COMMD10: variants seen among roughly 807,000 people sequenced by gnomAD.
COMMD10 encodes the protein COMM domain-containing protein 10.
A neutral mutation model predicts 28.9 loss-of-function variants in COMMD10; 33 were observed. That is an observed-to-expected ratio of 1.14 (90% confidence interval 0.87 to 1.53). The LOEUF (loss-of-function observed/expected upper bound fraction) is 1.53, where lower values mean the gene tolerates loss of function less well. Among genes scored for constraint, COMMD10 ranks in the 40% most tolerant of loss-of-function variants. The pLI is 0.00. For synonymous variants in COMMD10, 110 were observed against 81.7 expected (o/e 1.35, Z -1.87); for missense variants, 310 against 233.4 (o/e 1.33, Z -2.14).
intron 5 of COMMD10, among the ~76,000 whole-genome samples, chr5:116,229,287 C>G (rs1428044955): frequency 2.0e-5 from 3 of 151,962 alleles, no homozygotes; most frequent in African/African-American, 7.2e-5. Flanking sequence ...TGGGTTCAGT[C>G]TCTAGGGACA....
chr5:116,198,172 G>T (rs574866789), intron 5 of COMMD10, among the ~76,000 whole-genome samples: 1 of 152,104 alleles, frequency 6.6e-6, no homozygotes, highest in Middle Eastern at 3.2e-3. Flanking sequence ...TACAGCTGAA[G>T]AGTGAGCTTA....
intron 1 of COMMD10, 72 bp downstream of exon 1, chr5:116,085,165 C>G: frequency 8.2e-7 from 1 of 1,218,970 alleles, no homozygotes; most frequent in Non-Finnish European, 1.1e-6. Flanking sequence ...CAAGGCTGTC[C>G]TTGCTGCCTG....
chr5:116,162,180 C>T (rs7706670), intron 5 of COMMD10, among the ~76,000 whole-genome samples: 48,709 of 151,980 alleles, frequency 0.32, 11,096 homozygotes, highest in African/African-American at 0.65. Flanking sequence ...TAGATAAGTA[C>T]AATAATTTAT....
chr5:116,233,618 A>T (rs1340285495), intron 5 of COMMD10, among the ~76,000 whole-genome samples: 1 of 152,182 alleles, frequency 6.6e-6, no homozygotes, highest in African/African-American at 2.4e-5. Flanking sequence ...TGATAAGGTG[A>T]CACTTGAGTA....
chr5:116,184,220 CTT>C (rs1554098541), intron 5 of COMMD10, among the ~76,000 whole-genome samples: 2 of 60,318 alleles, frequency 3.3e-5, no homozygotes, highest in African/African-American at 3.1e-5. Context: ...TTCTGTCTCT[CTT>C]TTTTTTTTTA....
At chr5:116,107,760 G>A (rs143952484) in intron 4 of COMMD10, among the ~76,000 whole-genome samples, 15,935 of 152,008 alleles carry the variant, frequency 0.1, 1,181 homozygotes, top group African/African-American at 0.2. Flanking sequence ...GAGAAGAGCT[G>A]TTCTGGTTTT....
intron 4 of COMMD10, among the ~76,000 whole-genome samples, chr5:116,099,856 T>A (rs187527266): frequency 2.0e-5 from 3 of 152,304 alleles, no homozygotes; most frequent in Admixed American, 6.5e-5. Context: ...TAACCTCTTA[T>A]ACATGGTTTA....
chr5:116,270,087 T>C (rs553151736), intron 5 of COMMD10, among the ~76,000 whole-genome samples: 2 of 152,018 alleles, frequency 1.3e-5, no homozygotes, highest in South Asian at 2.1e-4. Context: ...TGAAGAATTA[T>C]GTTTTTGAGT....
chr5:116,115,330 C>T (rs1332676398), intron 4 of COMMD10, among the ~76,000 whole-genome samples: 1 of 152,144 alleles, frequency 6.6e-6, no homozygotes, highest in African/African-American at 2.4e-5. Flanking sequence ...TTGCAGACTC[C>T]CTTTTGGTTG....
chr5:116,151,289 A>G (rs941660311), intron 5 of COMMD10, among the ~76,000 whole-genome samples: 1 of 151,874 alleles, frequency 6.6e-6, no homozygotes, highest in Non-Finnish European at 1.5e-5. Flanking sequence ...TTTTGCATCA[A>G]TGTTCATCAA....
intron 5 of COMMD10, among the ~76,000 whole-genome samples, chr5:116,169,973 G>A (rs535143372): frequency 6.6e-6 from 1 of 152,086 alleles, no homozygotes; most frequent in Non-Finnish European, 1.5e-5. Context: ...ATCATAGTAT[G>A]GGAAGCCCTG....
chr5:116,107,974 C>T (rs1750898889), intron 4 of COMMD10, among the ~76,000 whole-genome samples: 1 of 152,166 alleles, frequency 6.6e-6, no homozygotes, highest in South Asian at 2.1e-4. Flanking sequence ...CACTCCAGAC[C>T]CTGTTTGCCT....
At position 116,108,326 on chromosome 5, in the gene COMMD10, T is replaced by G. The variant is rs532107196; in HGVS notation, c.399+15626T>G. On this transcript the variant is annotated intron_variant, in intron 4 of 6. Transcript: ENST00000274458. ...CCCAGGGAGATGGGGGTTTTATCTA[T>G]AAGTCCCTGACTGAGGCTACTGCCT... Among the ~76,000 whole-genome samples, 68 of 152,324 alleles carry G rather than the reference T, an allele frequency of 4.5e-4. 1 individual carries two copies. In the East Asian group the frequency reaches 9.5e-3, roughly 21 times the overall value.
chr5:116,183,877 A>C (rs1197357932), intron 5 of COMMD10, among the ~76,000 whole-genome samples: 1 of 152,126 alleles, frequency 6.6e-6, no homozygotes, highest in African/African-American at 2.4e-5. Flanking sequence ...GCTTATTAGA[A>C]ATGAGGTAGG....
rs1040538004 is a variant in COMMD10 at position 116,231,265 on chromosome 5, C to G, written c.511-60252C>G. Among the ~76,000 whole-genome samples the G allele has an allele frequency of 1.8e-4, 28 of 152,260 alleles. 1 individual carries two copies. The highest frequency in any genetic ancestry group is 2.6e-4 in the Non-Finnish European group (18 of 68,006). On this transcript the variant is annotated intron_variant, in intron 5 of 6. Coordinates refer to ENST00000274458, the MANE Select transcript of COMMD10 (RefSeq NM_016144.4). ...CTTGTTAATAAATTTACCGACTACT[C>G]ACTTGGAATTTTTGATGTAGCAGTT...
In COMMD10 at chr5:116,085,212, TG is replaced by T; in HGVS notation, c.41+123del. 3 of 129,006 alleles carry T rather than the reference TG, an allele frequency of 2.3e-5. 1 individual carries two copies. Among genetic ancestry groups the T allele is most frequent in the Non-Finnish European group, 4.7e-5 (3 of 63,354 alleles). The allele number at this position is 129,006 out of a possible 1,614,324, so 8.0% of individuals were successfully genotyped here. Reference sequence around the variant, plus strand: ...CCGCGGCGGGCCCGGTTGAGTGGGGTGGGGTGGGGTGGGCTGCCGAGGTTGC... The same window carrying T: ...CCGCGGCGGGCCCGGTTGAGTGGGGTGGGTGGGGTGGGCTGCCGAGGTTGC... On this transcript the variant is annotated intron_variant, in intron 1 of 6. Coordinates refer to ENST00000274458, the MANE Select transcript of COMMD10 (RefSeq NM_016144.4).
intron 5 of COMMD10, among the ~76,000 whole-genome samples, chr5:116,187,164 A>G (rs1228666736): frequency 1.3e-5 from 2 of 152,118 alleles, no homozygotes; most frequent in Non-Finnish European, 2.9e-5. Flanking sequence ...GAGACCCCAG[A>G]AAGTGTTTTC....
In COMMD10 at chr5:116,293,208, A is replaced by G. The variant is rs1751419035; in HGVS notation, c.*719A>G. ...TTGTAATGAGTGCTAAATGGGCACC[A>G]TTATTCGAATCAGATACCTTTTATA... On this transcript the variant is annotated 3_prime_UTR_variant, in exon 7 of 7. Coordinates refer to ENST00000274458, the MANE Select transcript of COMMD10 (RefSeq NM_016144.4). 1 of 386,324 alleles carries G rather than the reference A, an allele frequency of 2.6e-6. No homozygotes were observed. Among genetic ancestry groups the G allele is most frequent in the Admixed American group, 4.5e-5 (1 of 22,444 alleles). 23.9% of individuals were successfully genotyped at this position (386,324 alleles called of 1,614,324 possible). A position where few individuals can be genotyped will look rare whatever the true frequency, so the allele number is the denominator to read the frequency against.
intron 4 of COMMD10, among the ~76,000 whole-genome samples, chr5:116,125,306 T>C (rs1161355503): frequency 6.6e-6 from 1 of 152,210 alleles, no homozygotes; most frequent in Non-Finnish European, 1.5e-5. Context: ...CCTTCACATA[T>C]GAAGTTTATT....
Sources: gnomAD v4.1 joint callset for allele counts (sites outside exome capture counted in the v4.1 genomes callset) on GRCh38, gnomAD v4.1.1 for gene constraint, MANE v1.5 for transcripts, NCBI Gene and HGNC (gene_info 2026-07-23, HGNC 2026-07-21) for gene names.